Variants in SASH1 observed in about 807,000 individuals in gnomAD.
SASH1 encodes SAM and SH3 domain containing 1, also known as SAM and SH3 domain-containing protein 1.
In SASH1, 44 loss-of-function variants were observed where a neutral mutation model predicts 125.2. That is an observed-to-expected ratio of 0.35 (90% CI 0.28 to 0.45). The LOEUF is 0.45. Among genes scored for constraint, SASH1 ranks in the 20% least tolerant of loss-of-function variants. The probability of loss-of-function intolerance (pLI) is 1.00; values close to 1 mark genes in which losing one functional copy is unlikely to be tolerated. For missense variants in SASH1, 1,426 were observed against 1,614.5 expected (o/e 0.88, Z 2.00); for synonymous variants, 639 against 649.1 (o/e 0.98, Z 0.24).
chr6:148,306,106 G>A lies in SASH1; in HGVS notation n.74+33729G>A, dbSNP rs1160316846. Among the ~76,000 whole-genome samples, 3 of 152,118 alleles carry A rather than the reference G, an allele frequency of 2.0e-5. No individual in the cohort carries two copies. The South Asian group carries it at 6.2e-4, about 32-fold the overall frequency. Reference sequence around the variant, plus strand: ...AAAAGAAAACAGAACCCTGGAAGAAGGAGTTACCTCTACTGATCCCTGGCC... The same window carrying A: ...AAAAGAAAACAGAACCCTGGAAGAAAGAGTTACCTCTACTGATCCCTGGCC... On this transcript the variant is annotated intron_variant and non_coding_transcript_variant, in intron 1 of 3. Transcript: ENST00000367469.
At chr6:148,342,266 G>C (rs1190960756), upstream of SASH1, among the ~76,000 whole-genome samples, 2 of 152,214 alleles carry the variant, frequency 1.3e-5, no homozygotes, top group African/African-American at 4.8e-5. Context: ...GGCTGGCAGA[G>C]GCAGGATTTG....
At chr6:148,475,544 T>C (rs1473150254) in intron 7 of SASH1, among the ~76,000 whole-genome samples, 1 of 152,004 alleles carries the variant, frequency 6.6e-6, no homozygotes, top group Non-Finnish European at 1.5e-5. Context: ...CCCTATCACC[T>C]CCCAAAGTTT....
At chr6:148,509,051 C>T (rs1411054920) in intron 8 of SASH1, among the ~76,000 whole-genome samples, 6 of 151,956 alleles carry the variant, frequency 3.9e-5, no homozygotes, top group Non-Finnish European at 8.8e-5. Flanking sequence ...AGCATTTTTG[C>T]CTGGCATTTT....
intron 1 of SASH1, among the ~76,000 whole-genome samples, chr6:148,354,473 G>T (rs1334962196): frequency 6.6e-6 from 1 of 151,710 alleles, no homozygotes; most frequent in African/African-American, 2.4e-5. Context: ...TGATTTTTTT[G>T]TGTTTTTTTT....
chr6:148,297,816 C>T (rs893867116), intron 1 of SASH1, among the ~76,000 whole-genome samples: 5 of 151,714 alleles, frequency 3.3e-5, no homozygotes, highest in Non-Finnish European at 7.4e-5. Context: ...GGTGACAGAG[C>T]GAGACTCTAT....
At chr6:148,386,244 C>T (rs369303210) in intron 1 of SASH1, among the ~76,000 whole-genome samples, 1 of 152,100 alleles carries the variant, frequency 6.6e-6, no homozygotes, top group African/African-American at 2.4e-5. Flanking sequence ...GGTTTTTCTA[C>T]ATCATCAGAA....
intron 1 of SASH1, among the ~76,000 whole-genome samples, chr6:148,303,201 A>G (rs1183217745): frequency 6.6e-6 from 1 of 151,878 alleles, no homozygotes; most frequent in Non-Finnish European, 1.5e-5. Context: ...GCTGGTCTCA[A>G]ACTCCTGACC....
chr6:148,406,335 A>G lies in SASH1; in HGVS notation c.285+16073A>G, dbSNP rs964487162. On this transcript the variant is annotated intron_variant, in intron 2 of 19. Coordinates refer to ENST00000367467, the MANE Select transcript of SASH1 (RefSeq NM_015278.5). ...GAGTAAAATCTATTTCTGAGCTGCA[A>G]GAGATAAAAAAAAAAGAAGTCGTAG... 5.3e-5 allele frequency among the ~76,000 whole-genome samples: 8 copies of G among 151,618 alleles called. No individual in the cohort carries two copies. The East Asian group carries it at 1.6e-3, about 30-fold the overall frequency.
chr6:148,362,262 G>A (rs184944424), intron 1 of SASH1, among the ~76,000 whole-genome samples: 1 of 149,458 alleles, frequency 6.7e-6, no homozygotes, highest in East Asian at 2.0e-4. Context: ...TTGCTTTGTC[G>A]CTCAGGCTGG....
chr6:148,210,693 G>T, the SASH1 span, among the ~76,000 whole-genome samples: 1 of 152,150 alleles, frequency 6.6e-6, no homozygotes, highest in African/African-American at 2.4e-5. Flanking sequence ...CAAAACCTAT[G>T]TGACACCCTG....
intron 4 of SASH1, among the ~76,000 whole-genome samples, chr6:148,441,971 T>C (rs1776566255): frequency 6.6e-6 from 1 of 152,244 alleles, no homozygotes; most frequent in Non-Finnish European, 1.5e-5. Flanking sequence ...TTTTAAGTGG[T>C]TCAAACTTAA....
chr6:148,508,903 GA>G, intron 8 of SASH1: 1 of 1,224,914 alleles, frequency 8.2e-7, no homozygotes, highest in Non-Finnish European at 1.1e-6. Flanking sequence ...CGTTCAATGG[GA>G]AAGAAAGAAT....
chr6:148,265,193 C>G, the SASH1 span, among the ~76,000 whole-genome samples: 1 of 152,034 alleles, frequency 6.6e-6, no homozygotes, highest in East Asian at 1.9e-4. Flanking sequence ...ACCTGTAGTC[C>G]CAGTTGCTTC....
At chr6:148,462,896 G>A (rs1218973787) in intron 4 of SASH1, among the ~76,000 whole-genome samples, 4 of 152,128 alleles carry the variant, frequency 2.6e-5, no homozygotes, top group African/African-American at 4.8e-5. Flanking sequence ...TGCCCAGCAC[G>A]ATTGGACCTC....
At chr6:148,411,526 A>AATTTTT (rs72299742) in intron 2 of SASH1, among the ~76,000 whole-genome samples, 7,701 of 152,068 alleles carry the variant, frequency 0.051, 236 homozygotes, top group East Asian at 0.077. Flanking sequence ...AAACTTGATG[A>AATTTTT]ATTTTTATTT....
At chr6:148,503,576 G>A (rs2115277200) in intron 8 of SASH1, among the ~76,000 whole-genome samples, 1 of 152,294 alleles carries the variant, frequency 6.6e-6, no homozygotes, top group East Asian at 1.9e-4. Context: ...GTGCACACCA[G>A]GGGCCTGGGG....
At chr6:148,429,412 A>G (rs920974525) in intron 2 of SASH1, among the ~76,000 whole-genome samples, 1 of 118,790 alleles carries the variant, frequency 8.4e-6, no homozygotes, top group East Asian at 2.7e-4. Flanking sequence ...AAAAAAAAAA[A>G]GAGGAAGGAA....
the SASH1 span, among the ~76,000 whole-genome samples, chr6:148,244,305 CGT>C: frequency 4.6e-5 from 7 of 152,194 alleles, no homozygotes; most frequent in East Asian, 1.4e-3. Flanking sequence ...TCTTCAAACA[CGT>C]ATATTCCTTG....
At chr6:148,430,288 C>T (rs1290594186) in intron 2 of SASH1, among the ~76,000 whole-genome samples, 5 of 152,186 alleles carry the variant, frequency 3.3e-5, no homozygotes, top group Non-Finnish European at 7.3e-5. Context: ...TCTTCTGAAA[C>T]GTGGACTTCA....
Sources: allele counts gnomAD v4.1 joint callset (sites outside exome capture counted in the v4.1 genomes callset), GRCh38; gene constraint gnomAD v4.1.1; transcripts MANE v1.5; gene names NCBI Gene and HGNC (gene_info 2026-07-23, HGNC 2026-07-21).